Variants in MYO3B observed in about 807,000 individuals in gnomAD.
MYO3B encodes myosin IIIB.
MYO3B carries 156 observed loss-of-function variants against 174.6 expected under a neutral mutation model. That is an observed-to-expected ratio of 0.89 (90% CI 0.78 to 1.02). The LOEUF is 1.02. Ranked by LOEUF, MYO3B falls within the 50% of genes least tolerant of loss-of-function variation. The pLI is 0.00. For missense variants in MYO3B, 1,632 were observed against 1,639.4 expected, an observed-to-expected ratio of 1.00 and a Z score of 0.08; for synonymous variants, 563 against 569.1, an observed-to-expected ratio of 0.99 and a Z score of 0.15.
At chr2:170,404,122 A>G (rs1228594203) in intron 19 of MYO3B, 125 bp from the exon 20 acceptor site, 1 of 974,602 alleles carries the variant, frequency 1.0e-6, no homozygotes, top group Non-Finnish European at 1.5e-6. Flanking sequence ...TATTATACAC[A>G]TAAAACATAT....
intron 32 of MYO3B, among the ~76,000 whole-genome samples, chr2:170,608,793 T>C (rs1694972043): frequency 6.6e-6 from 1 of 151,986 alleles, no homozygotes; most frequent in Non-Finnish European, 1.5e-5. Flanking sequence ...CAGAGAAAAC[T>C]GGAAGCAGTC....
chr2:170,291,258 G>GAAAC (rs1482971153), intron 7 of MYO3B, among the ~76,000 whole-genome samples: 1 of 151,994 alleles, frequency 6.6e-6, no homozygotes. Context: ...TTGAAAAAAA[G>GAAAC]AAACAAACAA....
At chr2:170,550,490 C>G (rs1283494293) in intron 32 of MYO3B, among the ~76,000 whole-genome samples, 1 of 152,152 alleles carries the variant, frequency 6.6e-6, no homozygotes, top group African/African-American at 2.4e-5. Context: ...CTGGGGACTT[C>G]CCTTTGAAAA....
At chr2:170,517,355 A>G (rs571087514) in intron 29 of MYO3B, among the ~76,000 whole-genome samples, 282 of 152,304 alleles carry the variant, frequency 1.9e-3, no homozygotes, top group Non-Finnish European at 2.7e-3. Flanking sequence ...AGCTGGGGGC[A>G]TTTGCTGAAC....
At chr2:170,561,836 A>G (rs2106254216) in intron 32 of MYO3B, among the ~76,000 whole-genome samples, 1 of 152,348 alleles carries the variant, frequency 6.6e-6, no homozygotes, top group South Asian at 2.1e-4. Flanking sequence ...TCTTTGGGCT[A>G]GAAGATGTAC....
intron 11 of MYO3B, 111 bp downstream of exon 11, chr2:170,383,300 TA>T (rs2094349343): frequency 1.4e-6 from 1 of 690,112 alleles, no homozygotes; most frequent in African/African-American, 1.8e-5. Context: ...TAGATGTATA[TA>T]CTCCAAACTG....
At chr2:170,433,653 A>G (rs1024427905) in intron 22 of MYO3B, among the ~76,000 whole-genome samples, 4 of 152,234 alleles carry the variant, frequency 2.6e-5, no homozygotes, top group African/African-American at 9.6e-5. Flanking sequence ...TATCTCAGAC[A>G]TGTAAGCATG....
chr2:170,295,579 T>G (rs971073346), intron 7 of MYO3B, among the ~76,000 whole-genome samples: 2 of 152,092 alleles, frequency 1.3e-5, no homozygotes, highest in African/African-American at 4.8e-5. Context: ...ATCTTATTTT[T>G]AACATCCCCT....
intron 7 of MYO3B, among the ~76,000 whole-genome samples, chr2:170,281,987 G>C (rs1165301641): frequency 6.6e-6 from 1 of 152,064 alleles, no homozygotes; most frequent in Non-Finnish European, 1.5e-5. Flanking sequence ...TGAGTTCCTT[G>C]TGTATTCTGG....
intron 32 of MYO3B, among the ~76,000 whole-genome samples, chr2:170,562,712 A>G (rs766587172): frequency 6.6e-6 from 1 of 152,176 alleles, no homozygotes. Flanking sequence ...CTGTAAAATG[A>G]TTGCAGTTTG....
intron 22 of MYO3B, among the ~76,000 whole-genome samples, chr2:170,432,662 C>T (rs887504631): frequency 1.8e-4 from 28 of 151,644 alleles, no homozygotes; most frequent in Admixed American, 3.3e-4. Flanking sequence ...CTGCAAGCTC[C>T]GCCTCCCGGG....
intron 32 of MYO3B, among the ~76,000 whole-genome samples, chr2:170,597,308 C>T (rs1694214629): frequency 6.7e-6 from 1 of 149,176 alleles, no homozygotes; most frequent in Non-Finnish European, 1.5e-5. Flanking sequence ...GAGGCAGTTG[C>T]AGTGAGCCGA....
At chr2:170,242,015 A>G (rs1393571048) in intron 7 of MYO3B, among the ~76,000 whole-genome samples, 1 of 152,192 alleles carries the variant, frequency 6.6e-6, no homozygotes, top group Non-Finnish European at 1.5e-5. Flanking sequence ...GGGCTGTGAA[A>G]TATAAAGGAA....
At chr2:170,603,302 T>C (rs1694629807) in intron 32 of MYO3B, among the ~76,000 whole-genome samples, 1 of 152,024 alleles carries the variant, frequency 6.6e-6, no homozygotes, top group African/African-American at 2.4e-5. Context: ...CATATAAGTG[T>C]GAAGGAAAGC....
chr2:170,184,432 A>G (rs1046536699), intron 1 of MYO3B, among the ~76,000 whole-genome samples: 4 of 152,162 alleles, frequency 2.6e-5, no homozygotes, highest in Non-Finnish European at 4.4e-5. Flanking sequence ...AAGTGAGAAC[A>G]TGCAAAGTTT....
intron 32 of MYO3B, among the ~76,000 whole-genome samples, chr2:170,636,012 A>G (rs1048159126): frequency 3.9e-5 from 6 of 152,220 alleles, no homozygotes; most frequent in African/African-American, 1.4e-4. Context: ...TTTCTAAGCA[A>G]AGCTGTCTGT....
At chr2:170,382,297 A>AT in intron 10 of MYO3B, 185 bp downstream of exon 10, 1 of 483,582 alleles carries the variant, frequency 2.1e-6, no homozygotes, top group Non-Finnish European at 3.8e-6. Context: ...GTTTATTTAG[A>AT]TAGCCCCTAG....
chr2:170,554,323 G>A (rs1199734677), intron 32 of MYO3B, among the ~76,000 whole-genome samples: 1 of 152,198 alleles, frequency 6.6e-6, no homozygotes. Context: ...CATTTCCCTT[G>A]AAAGAATCAG....
intron 32 of MYO3B, among the ~76,000 whole-genome samples, chr2:170,594,858 CTT>C (rs1165712867): frequency 6.7e-6 from 1 of 149,756 alleles, no homozygotes; most frequent in African/African-American, 2.5e-5. Context: ...CACACACACA[CTT>C]GTTGCTATCA....
Sources: gnomAD v4.1 joint callset for allele counts (sites outside exome capture counted in the v4.1 genomes callset) on GRCh38, gnomAD v4.1.1 for gene constraint, MANE v1.5 for transcripts, NCBI Gene and HGNC (gene_info 2026-07-23, HGNC 2026-07-21) for gene names.